The following HERC3 variants were observed in gnomAD, a reference collection of about 807,000 sequenced individuals.
HERC3 encodes probable E3 ubiquitin-protein ligase HERC3.
HERC3 carries 58 observed loss-of-function variants against 129.9 expected under a neutral mutation model. The observed-to-expected ratio is 0.45, with a 90% CI of 0.36 to 0.56. The LOEUF is 0.56. HERC3 is among the 20% of genes least tolerant of loss of function. HERC3 has a pLI of 0.00. For synonymous variants in HERC3, 430 were observed against 451.0 expected (o/e 0.95, Z 0.59); for missense variants, 835 against 1,244.2 (o/e 0.67, Z 4.95).
At chr4:88,660,454 T>C (rs1013180297) in intron 10 of HERC3, among the ~76,000 whole-genome samples, 3 of 152,140 alleles carry the variant, frequency 2.0e-5, no homozygotes, top group Middle Eastern at 3.2e-3. Context: ...TCTACCCTCC[T>C]CGGCCTCCCA....
chr4:88,670,938 CT>C (rs1294503609), intron 16 of HERC3, among the ~76,000 whole-genome samples: 1 of 151,984 alleles, frequency 6.6e-6, no homozygotes, highest in Non-Finnish European at 1.5e-5. Flanking sequence ...TTATCATCTT[CT>C]GACAGCCTAC....
chr4:88,528,678 C>G, the HERC3 span, among the ~76,000 whole-genome samples: 1 of 152,128 alleles, frequency 6.6e-6, no homozygotes, highest in African/African-American at 2.4e-5. Flanking sequence ...ACAGAGTGCT[C>G]TTTCTCCAAA....
At chr4:88,645,375 A>G (rs1195580942) in intron 3 of HERC3, among the ~76,000 whole-genome samples, 4 of 152,208 alleles carry the variant, frequency 2.6e-5, no homozygotes, top group Admixed American at 2.6e-4. Context: ...TTTGCGGAAA[A>G]GCAGAAAGGA....
At chr4:88,595,841 CTTT>C (rs532515500) in intron 2 of HERC3, among the ~76,000 whole-genome samples, 2,718 of 80,138 alleles carry the variant, frequency 0.034, 76 homozygotes, top group African/African-American at 0.13. Context: ...GCACTTAATT[CTTT>C]TTTTTTTTTT....
intron 3 of HERC3, among the ~76,000 whole-genome samples, chr4:88,620,659 T>C (rs1462620113): frequency 6.6e-6 from 1 of 152,104 alleles, no homozygotes; most frequent in African/African-American, 2.4e-5. Context: ...TTAATCCCTC[T>C]CTCCACAGAG....
the HERC3 span, among the ~76,000 whole-genome samples, chr4:88,533,486 A>ATGTC: frequency 5.3e-5 from 8 of 152,206 alleles, no homozygotes; most frequent in Non-Finnish European, 2.9e-5. Flanking sequence ...AGGCAAAACG[A>ATGTC]TGTCACCTGA....
Position 88,685,976 on chromosome 4 carries a change from T to A in HERC3, c.2508-760T>A, listed in dbSNP as rs1432875509. Among the ~76,000 whole-genome samples, 3 of 152,310 alleles carry A rather than the reference T, an allele frequency of 2.0e-5. No individual in the cohort carries two copies. In the East Asian group the frequency reaches 5.8e-4, roughly 29 times the overall value. On this transcript the variant is annotated intron_variant, in intron 21 of 25. Transcript: ENST00000402738. ...ATGACAGTTTTCTTGGCTTGTGAAT[T>A]TTTGGAGTGTCTGAAATCAATCTTT...
At position 88,658,020 on chromosome 4, in the gene HERC3, G is replaced by A. The variant is rs186673377; in HGVS notation, c.1070-395G>A. ...GGAGGTAAAGCAGGGAGCAGGAAAC[G>A]GAGGTCCTTCCGTGGCAAGATTCGT... is the stretch of plus-strand genomic sequence containing the variant. On this transcript the variant is annotated intron_variant, in intron 9 of 25. Coordinates refer to ENST00000402738, the MANE Select transcript of HERC3 (RefSeq NM_014606.3). 1.8e-4 allele frequency among the ~76,000 whole-genome samples: 27 copies of A among 152,318 alleles called. No individual in the cohort carries two copies. The East Asian group carries it at 4.6e-3, about 26-fold the overall frequency.
At chr4:88,606,106 A>G (rs1355064650) in intron 3 of HERC3, 57 bp downstream of exon 3, 23 of 1,383,438 alleles carry the variant, frequency 1.7e-5, no homozygotes, top group Admixed American at 1.2e-4. Context: ...GGAGGACACA[A>G]TGGCAGAGGG....
upstream of HERC3, among the ~76,000 whole-genome samples, chr4:88,591,324 T>C (rs1721692190): frequency 6.6e-6 from 1 of 152,220 alleles, no homozygotes; most frequent in Non-Finnish European, 1.5e-5. Flanking sequence ...ATTTGCATTA[T>C]TTCACGGAGG....
At chr4:88,563,225 T>C in the HERC3 span, among the ~76,000 whole-genome samples, 1 of 152,226 alleles carries the variant, frequency 6.6e-6, no homozygotes, top group African/African-American at 2.4e-5. Flanking sequence ...TTTCTTTGGT[T>C]AGTTCTTAAG....
chr4:88,704,851 T>TTTAC (rs1418944466), intron 25 of HERC3, among the ~76,000 whole-genome samples: 2 of 147,406 alleles, frequency 1.4e-5, no homozygotes, highest in African/African-American at 5.1e-5. Context: ...CTGATTTTTC[T>TTTAC]TTTCTTTCTT....
At chr4:88,648,016 G>A (rs1728883882) in intron 3 of HERC3, among the ~76,000 whole-genome samples, 1 of 151,920 alleles carries the variant, frequency 6.6e-6, no homozygotes, top group South Asian at 2.1e-4. Flanking sequence ...AATAAAATTT[G>A]ACAATTATTA....
At chr4:88,644,024 A>T (rs1728428732) in intron 3 of HERC3, among the ~76,000 whole-genome samples, 1 of 152,198 alleles carries the variant, frequency 6.6e-6, no homozygotes, top group African/African-American at 2.4e-5. Context: ...TAAGCACATG[A>T]AAAGATGTTT....
At chr4:88,671,838 T>G (rs1731651404) in intron 16 of HERC3, among the ~76,000 whole-genome samples, 1 of 152,310 alleles carries the variant, frequency 6.6e-6, no homozygotes, top group South Asian at 2.1e-4. Context: ...AAATACTTTT[T>G]AATATAAATG....
chr4:88,635,584 ATAT>A (rs1460190969), intron 3 of HERC3, among the ~76,000 whole-genome samples: 1 of 152,190 alleles, frequency 6.6e-6, no homozygotes, highest in Non-Finnish European at 1.5e-5. Context: ...ACACTTCAGG[ATAT>A]TATCCAGGAG....
At chr4:88,666,032 C>G (rs960378835) in intron 12 of HERC3, among the ~76,000 whole-genome samples, 2 of 152,148 alleles carry the variant, frequency 1.3e-5, no homozygotes, top group African/African-American at 4.8e-5. Context: ...GCTAAACATC[C>G]TTCATTCCCA....
At chr4:88,554,094 T>TC in the HERC3 span, among the ~76,000 whole-genome samples, 1 of 152,140 alleles carries the variant, frequency 6.6e-6, no homozygotes, top group Admixed American at 6.5e-5. Flanking sequence ...ACACCTGTAA[T>TC]CCCAGCATGT....
At chr4:88,571,333 A>G in the HERC3 span, among the ~76,000 whole-genome samples, 1 of 152,242 alleles carries the variant, frequency 6.6e-6, no homozygotes, top group Non-Finnish European at 1.5e-5. Context: ...TAATATACAA[A>G]TTAGTAATGG....
Sources: allele counts gnomAD v4.1 joint callset (sites outside exome capture counted in the v4.1 genomes callset), GRCh38; gene constraint gnomAD v4.1.1; transcripts MANE v1.5; gene names NCBI Gene and HGNC (gene_info 2026-07-23, HGNC 2026-07-21).